The following LHX6 variants were observed in gnomAD, a reference collection of about 807,000 sequenced individuals.
The protein encoded by LHX6 is LIM/homeobox protein Lhx6.
LHX6 carries 15 observed loss-of-function variants against 47.1 expected under a neutral mutation model. That is an observed-to-expected ratio of 0.32 (90% confidence interval 0.21 to 0.49). The LOEUF is 0.49. Among genes scored for constraint, LHX6 ranks in the 20% least tolerant of loss-of-function variants. The probability of loss-of-function intolerance (pLI) is 0.99; values close to 1 mark genes in which losing one functional copy is unlikely to be tolerated. For synonymous variants in LHX6, 242 were observed against 233.5 expected (o/e 1.04, Z -0.33); for missense variants, 404 against 539.6 (o/e 0.75, Z 2.49).
chr9:122,227,414 C>T lies in LHX6; in HGVS notation c.151G>A (p.Ala51Thr), dbSNP rs1362909237. Residue 51 changes from alanine to threonine, a missense_variant, in exon 2 of 10, where the codon GCC becomes ACC. Coordinates refer to ENST00000394319, the MANE Select transcript of LHX6 (RefSeq NM_014368.5). ...TRCLEGTAPP[A>T]MAQSDAEALA... ...GCAGGGCCAAACGGACTCACCATGG[C>T]GGGCGGCGCGGTCCCTTCAAGACAG... 3 of 1,274,060 alleles carry T rather than the reference C, an allele frequency of 2.4e-6. No homozygotes were observed. Among genetic ancestry groups the T allele is most frequent in the African/African-American group, 1.6e-5 (1 of 62,294 alleles). The allele number at this position is 1,274,060 out of a possible 1,614,324, so 78.9% of individuals were successfully genotyped here. A position where few individuals can be genotyped will look rare whatever the true frequency, so the allele number is the denominator to read the frequency against.
At chr9:122,207,896 A>G (rs150137271) in intron 9 of LHX6, among the ~76,000 whole-genome samples, 182 of 152,242 alleles carry the variant, frequency 1.2e-3, no homozygotes, top group African/African-American at 4.0e-3. Context: ...GAATCTCTGT[A>G]TATTTACAAG....
chr9:122,227,170 G>T, intron 2 of LHX6, 140 bp from the exon 3 acceptor site: 1 of 843,400 alleles, frequency 1.2e-6, no homozygotes. Flanking sequence ...TGAAGGACAG[G>T]GATGGAAGGG....
At chr9:122,207,519 CAGAAGG>C (rs1413419833) in intron 9 of LHX6, among the ~76,000 whole-genome samples, 1 of 152,194 alleles carries the variant, frequency 6.6e-6, no homozygotes, top group Non-Finnish European at 1.5e-5. Context: ...CTGCCTTGAA[CAGAAGG>C]AGCTCAGCAA....
Position 122,213,915 on chromosome 9 carries a change from C to T in LHX6, c.879+59G>A, listed in dbSNP as rs1361548320. 7 of 1,547,372 alleles carry T rather than the reference C, an allele frequency of 4.5e-6. No individual in the cohort carries two copies. Among genetic ancestry groups the T allele is most frequent in the Non-Finnish European group, 6.1e-6 (7 of 1,138,764 alleles). On this transcript the variant is annotated intron_variant, in intron 7 of 9. Coordinates refer to ENST00000394319, the MANE Select transcript of LHX6 (RefSeq NM_014368.5). This position sits in a 1 kb window ranked among gnomAD's most constrained non-coding sequence, Gnocchi z 5.5. Reference sequence around the variant, plus strand: ...GCACGCACCACCCTCCGCGCCGAGCCCAGCTACGAGCTCCGGGGCGTGCCC... The same window carrying T: ...GCACGCACCACCCTCCGCGCCGAGCTCAGCTACGAGCTCCGGGGCGTGCCC...
At chr9:122,223,827 G>A (rs1374011967) in intron 4 of LHX6, among the ~76,000 whole-genome samples, 1 of 152,174 alleles carries the variant, frequency 6.6e-6, no homozygotes, top group African/African-American at 2.4e-5. Flanking sequence ...GGCTGGAGAA[G>A]TAGAAAAGAA....
Position 122,209,740 on chromosome 9 carries a change from G to C in LHX6, c.1055-23C>G, listed in dbSNP as rs201335333. 4.6e-4 allele frequency: 359 copies of C among 788,220 alleles called. 1 individual carries two copies. Among genetic ancestry groups the C allele is most frequent in the Non-Finnish European group, 7.5e-4 (320 of 429,300 alleles). The allele number at this position is 788,220 out of a possible 1,614,324, so 48.8% of individuals were successfully genotyped here. A position where few individuals can be genotyped will look rare whatever the true frequency, so the allele number is the denominator to read the frequency against. On this transcript the variant is annotated intron_variant, in intron 8 of 9. Coordinates refer to ENST00000394319, the MANE Select transcript of LHX6 (RefSeq NM_014368.5). ...GACCTGTGGACGAGAGGATGCCTTG[G>C]AGCTCATCCCCCAGGCTGCACACAG... is the stretch of plus-strand genomic sequence containing the variant.
chr9:122,218,924 A>T (rs1041859531), intron 4 of LHX6, among the ~76,000 whole-genome samples: 1 of 151,168 alleles, frequency 6.6e-6, no homozygotes, highest in Admixed American at 6.6e-5. Flanking sequence ...CGCTGACCAC[A>T]CTGGTTTGTA....
At chr9:122,221,361 GCT>G in intron 4 of LHX6, 1 of 985,624 alleles carries the variant, frequency 1.0e-6, no homozygotes, top group South Asian at 4.7e-5. Flanking sequence ...CCGCTGGGCC[GCT>G]CTCTGCCGCG....
chr9:122,226,976 C>A lies in LHX6; in HGVS notation c.211G>T (p.Ala71Ser). Reference sequence around the variant, plus strand: ...GGCGTGCTGGGCGTACATGGGGAGGCCTGACCCTCGTCCTTGTCCAGAGCT... The same window carrying A: ...GGCGTGCTGGGCGTACATGGGGAGGACTGACCCTCGTCCTTGTCCAGAGCT... ...AGALDKDEGQ[A>S]SPCTPSTPSV... is the part of the protein sequence containing the mutation. Residue 71 changes from alanine to serine, a missense_variant, in exon 3 of 10, where the codon GCC becomes TCC. Coordinates refer to ENST00000394319, the MANE Select transcript of LHX6 (RefSeq NM_014368.5). This position sits in a 1 kb window ranked among gnomAD's most constrained non-coding sequence, Gnocchi z 6.5. 1.3e-6 allele frequency: 2 copies of A among 1,547,758 alleles called. No individual in the cohort carries two copies. Among genetic ancestry groups the A allele is most frequent in the Non-Finnish European group, 1.7e-6 (2 of 1,145,836 alleles).
chr9:122,217,076 G>A lies in LHX6; in HGVS notation c.674C>T (p.Ala225Val). ...DTMIENLKRA[A>V]ENGNGLTLEG... ...CGGAGCAGGTTGGGTACCGTTCTCG[G>A]CGGCCCTCTTGAGGTTCTCAATCAT... The change falls in exon 5 of 10, where the codon GCC becomes GTC. Residue 225 changes from alanine to valine, a missense_variant. By Grantham distance (64) the Ala-to-Val change is moderately conservative (BLOSUM62 0). Coordinates refer to ENST00000394319, the MANE Select transcript of LHX6 (RefSeq NM_014368.5). This position sits in a 1 kb window ranked among gnomAD's most constrained non-coding sequence, Gnocchi z 4.9. 2 of 1,614,070 alleles carry A rather than the reference G, an allele frequency of 1.2e-6. No individual in the cohort carries two copies. The highest frequency in any genetic ancestry group is 4.5e-5 in the East Asian group (2 of 44,872).
rs775443266 is a variant in LHX6, at chr9:122,213,986, C to G, written c.867G>C (p.Arg289=). The stretch of plus-strand genomic sequence containing the variant: ...ACCCCCGTCCCACCTGGATGACTCT[C>G]CGGCTGAGGCCCGTCATGTCCGCCA... ...QKLADMTGLS[R]RVIQVWFQNC... Residue 289 remains arginine (R), a synonymous_variant, in exon 7 of 10, where the codon CGG becomes CGC. Transcript: ENST00000394319. The surrounding 1 kb of genome is among the most constrained non-coding windows in gnomAD (Gnocchi z 5.5). The G allele has an allele frequency of 6.4e-7, 1 of 1,557,558 alleles. No homozygotes were observed. Among genetic ancestry groups the G allele is most frequent in the East Asian group, 2.3e-5 (1 of 44,362 alleles).
At chr9:122,228,104 A>C in intron 1 of LHX6, 55 of 532,614 alleles carry the variant, frequency 1.0e-4, no homozygotes, top group East Asian at 2.8e-4. Context: ...CGCGGTGAGC[A>C]CCCGCCCGCC....
At chr9:122,223,718 G>A (rs1209960253) in intron 4 of LHX6, among the ~76,000 whole-genome samples, 2 of 152,166 alleles carry the variant, frequency 1.3e-5, no homozygotes, top group African/African-American at 4.8e-5. Context: ...ATAAGGGGAG[G>A]CTCTGAACAG....
At chr9:122,206,584 T>G (rs989037833) in intron 9 of LHX6, among the ~76,000 whole-genome samples, 2 of 152,146 alleles carry the variant, frequency 1.3e-5, no homozygotes, top group African/African-American at 4.8e-5. Context: ...AGCAGCCAAA[T>G]CCAGAAGCCA....
chr9:122,220,221 C>T (rs1467737), intron 4 of LHX6, among the ~76,000 whole-genome samples: 66,675 of 152,152 alleles, frequency 0.44, 15,348 homozygotes, highest in Admixed American at 0.58. Flanking sequence ...CGCTAGTGAA[C>T]TCTCAGCAAC....
intron 9 of LHX6, among the ~76,000 whole-genome samples, chr9:122,205,833 T>C (rs1042540124): frequency 3.9e-5 from 6 of 152,116 alleles, no homozygotes; most frequent in African/African-American, 9.7e-5. Flanking sequence ...TTTGCAGATG[T>C]AGAAACCGCA....
chr9:122,220,326 C>A (rs922179144), intron 4 of LHX6, among the ~76,000 whole-genome samples: 2 of 152,216 alleles, frequency 1.3e-5, no homozygotes, highest in African/African-American at 4.8e-5. Flanking sequence ...TTTACGAAAT[C>A]GTCCTCGCGC....
At position 122,226,614 on chromosome 9, in the gene LHX6, T is replaced by C; in HGVS notation, c.340-117A>G. On this transcript the variant is annotated intron_variant, in intron 3 of 9. Transcript: ENST00000394319. This position sits in a 1 kb window ranked among gnomAD's most constrained non-coding sequence, Gnocchi z 6.5. ...CTGAAGCTCAGAAGGTGCATGCGATTCCCCTATTTTTCTCCCGTAATACTG... is the reference window on the plus strand; with the variant it reads ...CTGAAGCTCAGAAGGTGCATGCGATCCCCCTATTTTTCTCCCGTAATACTG... The C allele has an allele frequency of 7.0e-7, 1 of 1,432,510 alleles. No homozygotes were observed. Among genetic ancestry groups the C allele is most frequent in the South Asian group, 1.3e-5 (1 of 76,176 alleles). The allele number at this position is 1,432,510 out of a possible 1,614,324, so 88.7% of individuals were successfully genotyped here.
intron 1 of LHX6, chr9:122,228,119 C>CGCCT: frequency 1.6e-6 from 1 of 609,202 alleles, no homozygotes; most frequent in Non-Finnish European, 2.7e-6. Context: ...CCCGCCCGCC[C>CGCCT]GCCTGACACG....
Sources: allele counts gnomAD v4.1 joint callset (sites outside exome capture counted in the v4.1 genomes callset), GRCh38; gene constraint gnomAD v4.1.1; non-coding constraint Gnocchi (gnomAD v3.1); transcripts MANE v1.5; gene names NCBI Gene and HGNC (gene_info 2026-07-23, HGNC 2026-07-21).